The following C4orf17 variants were observed in gnomAD, a reference collection of about 807,000 sequenced individuals.
The protein encoded by C4orf17 is chromosome 4 open reading frame 17, also known as uncharacterized protein C4orf17.
C4orf17 carries 25 observed loss-of-function variants against 32.0 expected under a neutral mutation model. The ratio of observed to expected loss-of-function variants is 0.78; its 90% CI spans 0.57 to 1.09. C4orf17 has a LOEUF of 1.09. Ranked by LOEUF, C4orf17 falls within the 50% of genes least tolerant of loss-of-function variation. The pLI is 0.00. For synonymous variants in C4orf17, 149 were observed against 145.8 expected (o/e 1.02, Z -0.16); for missense variants, 420 against 420.0 (o/e 1.00, Z 0.00).
chr4:99,523,038 C>T (rs1723320703), intron 3 of C4orf17, among the ~76,000 whole-genome samples: 2 of 151,944 alleles, frequency 1.3e-5, no homozygotes, highest in Non-Finnish European at 2.9e-5. Flanking sequence ...AGACGAAAAT[C>T]GAGTCCTGGA....
intron 2 of C4orf17, among the ~76,000 whole-genome samples, chr4:99,519,908 G>A (rs1476740225): frequency 6.6e-6 from 1 of 152,090 alleles, no homozygotes; most frequent in Non-Finnish European, 1.5e-5. Flanking sequence ...AAGGAAAATG[G>A]CTAGGTGATG....
intron 5 of C4orf17, among the ~76,000 whole-genome samples, chr4:99,534,268 G>A (rs1451977540): frequency 6.6e-6 from 1 of 152,082 alleles, no homozygotes; most frequent in Admixed American, 6.6e-5. Context: ...TAGTTGCTGA[G>A]GATAATAGCT....
In C4orf17 at chr4:99,529,970, G is replaced by A. The variant is rs45440196; in HGVS notation, c.546+12G>A. 232,817 of 1,597,492 alleles carry A rather than the reference G, an allele frequency of 0.15. 18,236 individuals are homozygous for A. Among genetic ancestry groups the A allele is most frequent in the South Asian group, 0.27 (23,424 of 88,292 alleles). On this transcript the variant is annotated intron_variant, in intron 5 of 8. Transcript: ENST00000326581. Reference sequence around the variant, plus strand: ...ATCAGGAAATAAAAGTAAGTATCAGGTTTATCAAATCCATAACTTGGAAAC... The same window carrying A: ...ATCAGGAAATAAAAGTAAGTATCAGATTTATCAAATCCATAACTTGGAAAC...
Position 99,542,237 on chromosome 4 carries a change from C to G in C4orf17, c.*128C>G. 1 of 724,578 alleles carries G rather than the reference C, an allele frequency of 1.4e-6. No individual in the cohort carries two copies. The highest frequency in any genetic ancestry group is 2.4e-6 in the Non-Finnish European group (1 of 416,282). The allele number at this position is 724,578 out of a possible 1,614,324, so 44.9% of individuals were successfully genotyped here. A position where few individuals can be genotyped will look rare whatever the true frequency, so the allele number is the denominator to read the frequency against. The stretch of plus-strand genomic sequence containing the variant: ...CCTCTTTATGGTGGCACATGTAAAT[C>G]TAAAAATACCTGTATGTAATGCTAC... On this transcript the variant is annotated 3_prime_UTR_variant, in exon 9 of 9. Coordinates refer to ENST00000326581, the MANE Select transcript of C4orf17 (RefSeq NM_032149.3).
chr4:99,531,325 T>C (rs1324566439), intron 5 of C4orf17, among the ~76,000 whole-genome samples: 1 of 152,064 alleles, frequency 6.6e-6, no homozygotes, highest in Non-Finnish European at 1.5e-5. Context: ...TTGTTGGATA[T>C]TGAATAAATA....
rs1723635955 is a variant in C4orf17 at position 99,540,408 on chromosome 4, C to G, written c.837-4C>G. ...TCACTTTTTTCTTTCTCCAACTGAT[C>G]TAGAGTGTCAAGTCAAGGATCTGAA... On this transcript the variant is annotated splice_region_variant and splice_polypyrimidine_tract_variant and intron_variant, in intron 7 of 8. Transcript: ENST00000326581. The G allele has an allele frequency of 6.2e-7, 1 of 1,609,296 alleles. No homozygotes were observed. Among genetic ancestry groups the G allele is most frequent in the South Asian group, 1.1e-5 (1 of 90,594 alleles).
intron 7 of C4orf17, among the ~76,000 whole-genome samples, 174 bp from the exon 8 acceptor site, chr4:99,540,235 TAAG>T (rs1183906855): frequency 3.9e-5 from 6 of 151,992 alleles, no homozygotes; most frequent in Non-Finnish European, 5.9e-5. Context: ...TTACTCAAAG[TAAG>T]AAGAATTTTT....
chr4:99,512,327 G>A (rs75674620), intron 1 of C4orf17, among the ~76,000 whole-genome samples: 7,367 of 152,178 alleles, frequency 0.048, 307 homozygotes, highest in Middle Eastern at 0.13. Context: ...ATCCAGAAAT[G>A]TTCTTTCTCA....
intron 2 of C4orf17, among the ~76,000 whole-genome samples, chr4:99,518,542 T>TAGAGAGAGAGAG (rs1474420492): frequency 1.7e-5 from 1 of 60,146 alleles, no homozygotes; most frequent in Non-Finnish European, 2.8e-5. Context: ...TATATATATA[T>TAGAGAGAGAGAG]ATAGAGAGAG....
At chr4:99,537,571 T>C in intron 5 of C4orf17, 98 bp from the exon 6 acceptor site, 1 of 843,904 alleles carries the variant, frequency 1.2e-6, no homozygotes, top group South Asian at 1.4e-5. Context: ...ATATACAAAG[T>C]GATATTTGGG....
intron 5 of C4orf17, 71 bp downstream of exon 5, chr4:99,530,029 C>T: frequency 8.0e-7 from 1 of 1,256,580 alleles, no homozygotes; most frequent in Non-Finnish European, 1.1e-6. Flanking sequence ...ATACCACTAG[C>T]ATCCTTAAAA....
At chr4:99,517,067 T>A (rs1284025087) in intron 2 of C4orf17, among the ~76,000 whole-genome samples, 3 of 152,198 alleles carry the variant, frequency 2.0e-5, no homozygotes, top group African/African-American at 7.2e-5. Context: ...TCTCTCTGTC[T>A]TCCACAATTC....
chr4:99,541,903 A>G lies in C4orf17; in HGVS notation c.881-7A>G. On this transcript the variant is annotated splice_polypyrimidine_tract_variant and splice_region_variant and intron_variant, in intron 8 of 8. Transcript: ENST00000326581. The stretch of plus-strand genomic sequence containing the variant: ...TGGTCTTATTTAGATTTTTTTCTCT[A>G]TTTCAGAGGCTGAGCACAAGCCTCC... 1 of 1,604,228 alleles carries G rather than the reference A, an allele frequency of 6.2e-7. No homozygotes were observed. The highest frequency in any genetic ancestry group is 2.2e-5 in the East Asian group (1 of 44,720).
At chr4:99,540,613 C>G (rs1274862975) in intron 8 of C4orf17, 158 bp downstream of exon 8, 1 of 551,012 alleles carries the variant, frequency 1.8e-6, no homozygotes, top group Admixed American at 3.3e-5. Flanking sequence ...TGCTTACTTT[C>G]TCATAAAGAT....
intron 8 of C4orf17, 130 bp downstream of exon 8, chr4:99,540,585 A>C (rs1560592304): frequency 1.6e-6 from 1 of 619,476 alleles, no homozygotes; most frequent in East Asian, 2.7e-5. Flanking sequence ...TTTCCAGATC[A>C]ATTCTTGAGA....
At chr4:99,532,332 A>G (rs1213191354) in intron 5 of C4orf17, among the ~76,000 whole-genome samples, 2 of 152,230 alleles carry the variant, frequency 1.3e-5, no homozygotes, top group Non-Finnish European at 2.9e-5. Flanking sequence ...TGGATAAAGA[A>G]AATGTGGTAC....
At chr4:99,519,831 A>G (rs1723254810) in intron 2 of C4orf17, among the ~76,000 whole-genome samples, 1 of 152,148 alleles carries the variant, frequency 6.6e-6, no homozygotes, top group Non-Finnish European at 1.5e-5. Flanking sequence ...AGAAGGTTGA[A>G]CTTGGGGTAG....
At chr4:99,514,145 C>T (rs1358993467) in intron 2 of C4orf17, among the ~76,000 whole-genome samples, 1 of 152,026 alleles carries the variant, frequency 6.6e-6, no homozygotes, top group Non-Finnish European at 1.5e-5. Flanking sequence ...GTGTCATATT[C>T]CTGAGGTGAC....
At chr4:99,512,370 T>C (rs1195948072) in intron 1 of C4orf17, among the ~76,000 whole-genome samples, 1 of 152,188 alleles carries the variant, frequency 6.6e-6, no homozygotes, top group Non-Finnish European at 1.5e-5. Flanking sequence ...TACATAACAT[T>C]ATCTTTAATC....
Sources: gnomAD v4.1 joint callset for allele counts (sites outside exome capture counted in the v4.1 genomes callset) on GRCh38, gnomAD v4.1.1 for gene constraint, MANE v1.5 for transcripts, NCBI Gene and HGNC (gene_info 2026-07-23, HGNC 2026-07-21) for gene names.